MEIS1: variants seen among roughly 807,000 people sequenced by gnomAD.
MEIS1 encodes Meis homeobox 1.
MEIS1 carries 5 observed loss-of-function variants against 50.8 expected under a neutral mutation model. The ratio of observed to expected loss-of-function variants is 0.10; its 90% CI spans 0.05 to 0.21. The LOEUF is 0.21. Ranked by LOEUF, MEIS1 falls within the 10% of genes least tolerant of loss-of-function variation. MEIS1 has a pLI of 1.00. For missense variants in MEIS1, 318 were observed against 517.3 expected (o/e 0.61, Z 3.74); for synonymous variants, 176 against 179.3 (o/e 0.98, Z 0.15).
intron 8 of MEIS1, among the ~76,000 whole-genome samples, chr2:66,526,030 G>C (rs972389895): frequency 2.0e-5 from 3 of 152,206 alleles, no homozygotes; most frequent in African/African-American, 7.2e-5. Flanking sequence ...TGCTCCAGGA[G>C]ATCCTTTTGT....
chr2:66,436,735 TC>T (rs1283540349), intron 1 of MEIS1, among the ~76,000 whole-genome samples: 50 of 152,342 alleles, frequency 3.3e-4, no homozygotes, highest in African/African-American at 1.2e-3. Context: ...AAGTGGCAAT[TC>T]CTCCTTTCTT....
At chr2:66,568,814 C>T in intron 11 of MEIS1, 58 bp downstream of exon 11, 1 of 1,434,920 alleles carries the variant, frequency 7.0e-7, no homozygotes, top group South Asian at 1.1e-5. Flanking sequence ...GTCATCCCCT[C>T]ATCAACACAG....
intron 6 of MEIS1, among the ~76,000 whole-genome samples, chr2:66,448,651 T>TA (rs1194884603): frequency 4.6e-5 from 7 of 152,186 alleles, no homozygotes; most frequent in Non-Finnish European, 8.8e-5. Context: ...GAAACATAAA[T>TA]ATGTCAAACA....
chr2:66,550,260 G>A (rs1281920431), intron 9 of MEIS1, among the ~76,000 whole-genome samples: 1 of 152,160 alleles, frequency 6.6e-6, no homozygotes, highest in African/African-American at 2.4e-5. Context: ...TATATATGGA[G>A]TTAGAAGTGG....
rs1419330027 is a variant in MEIS1, at chr2:66,464,185, A to T, written c.707A>T (p.His236Leu). 1 of 1,603,880 alleles carries T rather than the reference A, an allele frequency of 6.2e-7. No homozygotes were observed. Among genetic ancestry groups the T allele is most frequent in the Non-Finnish European group, 8.5e-7 (1 of 1,175,434 alleles). The change falls in exon 7 of 13, where the codon CAC (histidine) becomes CTC (leucine). Residue 236 changes from histidine (H) to leucine (L), a missense_variant. By Grantham distance (99) the His-to-Leu change is moderately conservative. Coordinates refer to ENST00000272369, the MANE Select transcript of MEIS1 (RefSeq NM_002398.3). ...GGTPGPSSGG[H>L]TSHSGDNSSE... The stretch of plus-strand genomic sequence containing the variant: ...ACCCCAGGCCCTTCCAGCGGTGGCC[A>T]CACGTCACACAGTGGGGACAACAGC...
chr2:66,469,544 G>A (rs995094891), intron 7 of MEIS1, among the ~76,000 whole-genome samples: 10 of 152,282 alleles, frequency 6.6e-5, no homozygotes, highest in African/African-American at 2.4e-4. Context: ...AAGAAGAAAA[G>A]TAATAACAGC....
At chr2:66,447,212 A>G (rs1252762538) in intron 6 of MEIS1, among the ~76,000 whole-genome samples, 2 of 152,114 alleles carry the variant, frequency 1.3e-5, no homozygotes, top group East Asian at 1.9e-4. Context: ...AGAAAAGTGG[A>G]CACAAACAGC....
intron 8 of MEIS1, among the ~76,000 whole-genome samples, chr2:66,518,143 C>T (rs1269660909): frequency 2.0e-5 from 3 of 152,082 alleles, no homozygotes; most frequent in Non-Finnish European, 4.4e-5. Flanking sequence ...TCAGTTGATG[C>T]GGAGGCATGG....
At position 66,572,064 on chromosome 2, in the gene MEIS1, T is replaced by A. The variant is rs1439000440; in HGVS notation, c.*856T>A. On this transcript the variant is annotated 3_prime_UTR_variant, in exon 13 of 13. Coordinates refer to ENST00000272369, the MANE Select transcript of MEIS1 (RefSeq NM_002398.3). ...TTCTAGCCTGGGGCTTGAATTTGCA[T>A]GTCTAATTCATTTACTCACCATATT... is the stretch of plus-strand genomic sequence containing the variant. 6.3e-6 allele frequency: 1 copy of A among 159,588 alleles called. No homozygotes were observed. Among genetic ancestry groups the A allele is most frequent in the Non-Finnish European group, 1.4e-5 (1 of 73,852 alleles). The allele number at this position is 159,588 out of a possible 1,614,324, so 9.9% of individuals were successfully genotyped here. A position where few individuals can be genotyped will look rare whatever the true frequency, so the allele number is the denominator to read the frequency against.
At chr2:66,459,556 T>C (rs1450120065) in intron 6 of MEIS1, among the ~76,000 whole-genome samples, 1 of 152,196 alleles carries the variant, frequency 6.6e-6, no homozygotes, top group Admixed American at 6.5e-5. Context: ...GGAATGGAAC[T>C]CTTTTAAAGG....
At chr2:66,443,922 G>A (rs1248399626) in intron 6 of MEIS1, 1 of 152,546 alleles carries the variant, frequency 6.6e-6, no homozygotes. Flanking sequence ...GTTACTAAGT[G>A]GGGACGACTT....
chr2:66,480,800 T>A lies in MEIS1; in HGVS notation c.742+16580T>A, dbSNP rs538048740. On this transcript the variant is annotated intron_variant, in intron 7 of 12. Coordinates refer to ENST00000272369, the MANE Select transcript of MEIS1 (RefSeq NM_002398.3). The stretch of plus-strand genomic sequence containing the variant: ...AGTCTCATTTCTCTACTTGTGCATT[T>A]CTTTGGAGAATAACTGCTTGCTGAC... Among the ~76,000 whole-genome samples the A allele has an allele frequency of 3.9e-5, 6 of 152,310 alleles. No individual in the cohort carries two copies. In the South Asian group the frequency reaches 1.2e-3, roughly 32 times the overall value.
intron 7 of MEIS1, among the ~76,000 whole-genome samples, chr2:66,499,715 C>G (rs1254046071): frequency 7.1e-6 from 1 of 140,586 alleles, no homozygotes; most frequent in Non-Finnish European, 1.5e-5. Flanking sequence ...AAAAAAAAAG[C>G]TTCTACAGAA....
intron 9 of MEIS1, among the ~76,000 whole-genome samples, chr2:66,556,816 T>C (rs1189823416): frequency 1.3e-5 from 2 of 148,546 alleles, no homozygotes; most frequent in Non-Finnish European, 2.9e-5. Context: ...CAAAAAGATA[T>C]AGGATCTCAG....
At chr2:66,547,834 A>C in intron 8 of MEIS1, 109 bp from the exon 9 acceptor site, 1 of 972,298 alleles carries the variant, frequency 1.0e-6, no homozygotes. Context: ...TAAGAGTGAC[A>C]CACCTCAGCA....
chr2:66,547,755 C>T (rs1267610971), intron 8 of MEIS1, among the ~76,000 whole-genome samples, 188 bp from the exon 9 acceptor site: 1 of 152,176 alleles, frequency 6.6e-6, no homozygotes, highest in Non-Finnish European at 1.5e-5. Flanking sequence ...GCTATTTATA[C>T]ACTTCATTAA....
chr2:66,537,527 T>A (rs1674550822), intron 8 of MEIS1, among the ~76,000 whole-genome samples: 1 of 152,076 alleles, frequency 6.6e-6, no homozygotes, highest in Non-Finnish European at 1.5e-5. Context: ...CAGCACGAAT[T>A]CTCCATCTCA....
At chr2:66,561,537 C>T (rs967105270) in intron 9 of MEIS1, among the ~76,000 whole-genome samples, 1 of 152,024 alleles carries the variant, frequency 6.6e-6, no homozygotes, top group Non-Finnish European at 1.5e-5. Context: ...TTTAAGAATG[C>T]ACAGTGTTAA....
chr2:66,442,003 A>G (rs1471367663), intron 5 of MEIS1, among the ~76,000 whole-genome samples: 2 of 152,130 alleles, frequency 1.3e-5, no homozygotes, highest in African/African-American at 4.8e-5. Context: ...GACAAAGCAG[A>G]GTTGATAGTT....
Sources: gnomAD v4.1 joint callset for allele counts (sites outside exome capture counted in the v4.1 genomes callset) on GRCh38, gnomAD v4.1.1 for gene constraint, MANE v1.5 for transcripts, NCBI Gene and HGNC (gene_info 2026-07-23, HGNC 2026-07-21) for gene names.